The following PUDP variants were observed in gnomAD, a reference collection of about 807,000 sequenced individuals.
PUDP encodes the protein pseudouridine 5'-phosphatase.
Under a neutral mutation model 9.4 loss-of-function variants are expected in PUDP, and 8 were observed. The observed-to-expected ratio is 0.85, with a 90% confidence interval of 0.50 to 1.53. The LOEUF (loss-of-function observed/expected upper bound fraction) is 1.53. PUDP is among the 40% of genes most tolerant of loss of function. PUDP has a pLI of 0.00. For synonymous variants in PUDP, 99 were observed against 80.7 expected (o/e 1.23, Z -1.22); for missense variants, 188 against 189.7 (o/e 0.99, Z 0.05).
At chrX:6,906,502 C>T (rs889510582) in intron 3 of PUDP, among the ~76,000 whole-genome samples, 1 of 112,215 alleles carries the variant, frequency 8.9e-6, no homozygotes, top group Non-Finnish European at 1.9e-5. Flanking sequence ...GCAGAGGCCT[C>T]GAACGCAGGC....
rs950178796 is a variant in PUDP, at chrX:6,738,112, A to G, written c.*248-31646T>C. On this transcript the variant is annotated intron_variant and NMD_transcript_variant, in intron 3 of 3. Coordinates refer to the PUDP transcript ENST00000655425. Reference sequence around the variant, plus strand: ...AATGCTAGCAGATGCAGGTGCAGGCAGTGCTTGATGCAACTCTTGGTTTCT... The same window carrying G: ...AATGCTAGCAGATGCAGGTGCAGGCGGTGCTTGATGCAACTCTTGGTTTCT... 1.3e-4 allele frequency among the ~76,000 whole-genome samples: 15 copies of G among 111,623 alleles called. 2 individuals are homozygous for G. Among genetic ancestry groups the G allele is most frequent in the Admixed American group, 1.3e-3 (14 of 10,499 alleles).
Position 6,890,935 on chromosome X carries a change from C to CAAA in PUDP, c.*247+86195_*247+86197dup, listed in dbSNP as rs764486249. ...GGCACATGATGAGGCCTCATCTCTC[C>CAAA]AAAAAAAAAAAAAAAAAAAAAAAAA... On this transcript the variant is annotated intron_variant and NMD_transcript_variant, in intron 3 of 3. Coordinates refer to the PUDP transcript ENST00000655425. 2.1e-3 allele frequency among the ~76,000 whole-genome samples: 71 copies of CAAA among 33,133 alleles called. 1 individual carries two copies. Among genetic ancestry groups the CAAA allele is most frequent in the African/African-American group, 5.3e-3 (36 of 6,753 alleles). 28.8% of individuals were successfully genotyped at this position (33,133 alleles called of 115,157 possible).
chrX:7,080,413 C>T (rs1323953093), intron 2 of PUDP, among the ~76,000 whole-genome samples: 3 of 111,780 alleles, frequency 2.7e-5, no homozygotes, highest in African/African-American at 9.8e-5. Flanking sequence ...CAATTCTAAA[C>T]AGACTTTTCA....
chrX:6,976,346 A>G (rs1051925041), intron 3 of PUDP, among the ~76,000 whole-genome samples: 6 of 111,893 alleles, frequency 5.4e-5, no homozygotes, highest in Non-Finnish European at 1.1e-4. Context: ...ACCGGAGGGA[A>G]TCTCCTGGTC....
chrX:7,059,986 C>T (rs1255522974), intron 3 of PUDP, among the ~76,000 whole-genome samples: 2 of 111,822 alleles, frequency 1.8e-5, no homozygotes, highest in African/African-American at 3.3e-5. Context: ...TAAAAGACTT[C>T]GTGATTAAAT....
chrX:6,811,548 C>A (rs1054928895), intron 3 of PUDP, among the ~76,000 whole-genome samples: 1 of 111,100 alleles, frequency 9.0e-6, no homozygotes, highest in Non-Finnish European at 1.9e-5. Flanking sequence ...CTCCTGACCT[C>A]AATTGATCTG....
chrX:6,962,332 T>C (rs1201299679), intron 3 of PUDP, among the ~76,000 whole-genome samples: 1 of 112,294 alleles, frequency 8.9e-6, no homozygotes, highest in Non-Finnish European at 1.9e-5. Context: ...GGTGTTTGAG[T>C]CTACAAACAC....
intron 3 of PUDP, among the ~76,000 whole-genome samples, chrX:6,830,080 A>G (rs952662126): frequency 2.7e-5 from 3 of 110,425 alleles, no homozygotes; most frequent in Non-Finnish European, 5.7e-5. Flanking sequence ...AATGAATCTA[A>G]AAAACCTCCA....
chrX:6,921,004 G>A (rs989711520), intron 3 of PUDP, among the ~76,000 whole-genome samples: 5 of 111,029 alleles, frequency 4.5e-5, no homozygotes, highest in South Asian at 3.9e-4. Context: ...GGGCCTGAGA[G>A]TGGGGTGAGT....
At chrX:7,137,360 G>A (rs1286506402) in intron 1 of PUDP, among the ~76,000 whole-genome samples, 1 of 105,977 alleles carries the variant, frequency 9.4e-6, no homozygotes, top group East Asian at 3.0e-4. Flanking sequence ...GGCTAACATG[G>A]TGAAACCCTG....
intron 3 of PUDP, among the ~76,000 whole-genome samples, chrX:6,958,090 G>A (rs777870121): frequency 8.0e-5 from 9 of 112,271 alleles, no homozygotes; most frequent in Non-Finnish European, 1.3e-4. Context: ...AGAGTATACC[G>A]AACAAAGGAG....
At chrX:6,720,762 A>G (rs1312790855) in intron 1 of PUDP, among the ~76,000 whole-genome samples, 1 of 110,788 alleles carries the variant, frequency 9.0e-6, no homozygotes, top group Non-Finnish European at 1.9e-5. Context: ...GTTTATCAAA[A>G]CCTCACACGG....
chrX:7,107,760 G>A (rs921090713), intron 1 of PUDP, among the ~76,000 whole-genome samples: 3 of 112,512 alleles, frequency 2.7e-5, no homozygotes, highest in Admixed American at 1.9e-4. Flanking sequence ...CCCAAGAGGC[G>A]GAGGTTGCAG....
At chrX:7,057,904 A>C in intron 3 of PUDP, 1 of 653,409 alleles carries the variant, frequency 1.5e-6, no homozygotes, top group Non-Finnish European at 2.3e-6. Flanking sequence ...GGGAAGGAGA[A>C]GGGCCCGCGG....
upstream of PUDP, among the ~76,000 whole-genome samples, chrX:6,723,272 A>T (rs1007910005): frequency 2.4e-4 from 8 of 33,074 alleles, no homozygotes; most frequent in East Asian, 2.1e-3. Context: ...AAAAAACAAT[A>T]AAAAAAAAAA....
chrX:6,806,831 T>C (rs1051730242), intron 3 of PUDP, among the ~76,000 whole-genome samples: 1 of 112,637 alleles, frequency 8.9e-6, no homozygotes, highest in Non-Finnish European at 1.9e-5. Flanking sequence ...TAGTTAAGAC[T>C]GAAATTCCAC....
intron 3 of PUDP, among the ~76,000 whole-genome samples, chrX:6,879,685 T>A (rs1294086626): frequency 9.0e-6 from 1 of 111,605 alleles, no homozygotes; most frequent in African/African-American, 3.3e-5. Flanking sequence ...GGTTTGTTAC[T>A]TTCAACTAGG....
intron 3 of PUDP, among the ~76,000 whole-genome samples, chrX:6,917,983 A>G (rs1407561733): frequency 1.8e-5 from 2 of 112,341 alleles, no homozygotes; most frequent in African/African-American, 6.5e-5. Context: ...ATAATGAATG[A>G]TTGCTAAAGG....
chrX:7,140,442 A>G (rs1294112238), intron 1 of PUDP, among the ~76,000 whole-genome samples: 4 of 111,447 alleles, frequency 3.6e-5, no homozygotes, highest in Non-Finnish European at 7.5e-5. Context: ...CTGAGCATCT[A>G]TATAAGGAGT....
Sources: gnomAD v4.1 joint callset for allele counts (sites outside exome capture counted in the v4.1 genomes callset) on GRCh38, gnomAD v4.1.1 for gene constraint, MANE v1.5 for transcripts, NCBI Gene and HGNC (gene_info 2026-07-23, HGNC 2026-07-21) for gene names.